TG: variants seen among roughly 807,000 people sequenced by gnomAD.
TG encodes the protein thyroid hormones.
Under a neutral mutation model 324.7 loss-of-function variants are expected in TG, and 270 were observed. The observed-to-expected ratio is 0.83, with a 90% CI of 0.75 to 0.92. The LOEUF (loss-of-function observed/expected upper bound fraction) is 0.92. TG is among the 40% of genes least tolerant of loss of function. TG has a pLI of 0.00. For synonymous variants in TG, 1,401 were observed against 1,327.0 expected, an observed-to-expected ratio of 1.06 and a Z score of -1.21; for missense variants, 3,591 against 3,456.4, an observed-to-expected ratio of 1.04 and a Z score of -0.98.
chr8:132,972,464 G>A (rs1564023248), intron 33 of TG, 134 bp from the exon 34 acceptor site: 2 of 1,030,800 alleles, frequency 1.9e-6, no homozygotes, highest in Non-Finnish European at 2.8e-6. Context: ...GGCTGAGATA[G>A]TATCTGAAAT....
intron 41 of TG, among the ~76,000 whole-genome samples, chr8:133,043,927 A>C (rs1838798325): frequency 6.6e-6 from 1 of 152,150 alleles, no homozygotes; most frequent in South Asian, 2.1e-4. Flanking sequence ...AGTGGGGAGG[A>C]TGGCAATGTT....
chr8:132,955,832 A>T (rs1206374878), intron 27 of TG, among the ~76,000 whole-genome samples: 2 of 152,312 alleles, frequency 1.3e-5, no homozygotes, highest in East Asian at 3.9e-4. Context: ...GCAGCGCATG[A>T]TCTCCTCAGA....
At position 133,022,091 on chromosome 8, in the gene TG, G is replaced by A. The variant is rs776297740; in HGVS notation, c.6977G>A (p.Gly2326Asp). 3 of 1,614,138 alleles carry A rather than the reference G, an allele frequency of 1.9e-6. No homozygotes were observed. Among genetic ancestry groups the A allele is most frequent in the Non-Finnish European group, 1.7e-6 (2 of 1,180,036 alleles). The change falls in exon 40 of 48, where the codon GGC becomes GAC. Residue 2326 changes from glycine to aspartate, a missense_variant. By Grantham distance (94) the Gly-to-Asp change is moderately conservative. Transcript: ENST00000220616. ...GACGGCTCCTTCTTGGCTGCTGTTG[G>A]CAACCTCATCGTGGTCACTGCCAGC... Reference protein sequence around the residue: ...AIDGSFLAAVGNLIVVTASYR... With the variant: ...AIDGSFLAAVDNLIVVTASYR...
chr8:133,122,561 A>C (rs771022804), intron 45 of TG, among the ~76,000 whole-genome samples: 8 of 152,142 alleles, frequency 5.3e-5, no homozygotes, highest in Non-Finnish European at 1.0e-4. Flanking sequence ...AAGTCCACTT[A>C]CTATCTGTGT....
chr8:132,882,374 T>A, intron 6 of TG, 95 bp from the exon 7 acceptor site: 2 of 1,418,578 alleles, frequency 1.4e-6, no homozygotes, highest in Non-Finnish European at 2.0e-6. Flanking sequence ...ATGATGCTGG[T>A]GAAGGCTGTC....
intron 45 of TG, among the ~76,000 whole-genome samples, chr8:133,129,805 A>T (rs559980486): frequency 7.9e-5 from 12 of 152,286 alleles, no homozygotes; most frequent in African/African-American, 2.6e-4. Context: ...CTGATTATTT[A>T]TCAGGTCATG....
At chr8:132,961,109 G>A (rs768909737) in intron 28 of TG, 36 bp downstream of exon 28, 2 of 1,602,304 alleles carry the variant, frequency 1.2e-6, no homozygotes, top group South Asian at 1.1e-5. Flanking sequence ...TTAGCAGGAC[G>A]CTGATTACAT....
Position 132,967,780 on chromosome 8 carries a change from T to G in TG, c.5687-14T>G. 6.2e-7 allele frequency: 1 copy of G among 1,613,388 alleles called. No individual in the cohort carries two copies. Among genetic ancestry groups the G allele is most frequent in the East Asian group, 2.2e-5 (1 of 44,848 alleles). On this transcript the variant is annotated splice_polypyrimidine_tract_variant and intron_variant, in intron 30 of 47. Transcript: ENST00000220616. ...CCCACAAAAACTAAAATCACACTAC[T>G]CTCTTGCCTGTAGGTTGTGTGCAGG...
chr8:133,094,723 G>C (rs369090681), intron 41 of TG: 6 of 410,008 alleles, frequency 1.5e-5, no homozygotes, highest in African/African-American at 8.2e-5. Context: ...CACAATCTCC[G>C]ATCCTCTTAA....
At chr8:133,054,610 C>T (rs760139565) in intron 41 of TG, among the ~76,000 whole-genome samples, 1 of 152,172 alleles carries the variant, frequency 6.6e-6, no homozygotes, top group Non-Finnish European at 1.5e-5. Context: ...AACTCAAGAC[C>T]AGTGTTAGCC....
chr8:132,962,755 G>A (rs117136371), intron 28 of TG, among the ~76,000 whole-genome samples: 1 of 152,190 alleles, frequency 6.6e-6, no homozygotes, highest in East Asian at 1.9e-4. Flanking sequence ...AACTCGAAAG[G>A]GCTTTGCGTA....
chr8:133,086,977 A>C lies in TG; in HGVS notation c.7240-8067A>C, dbSNP rs551067817. ...ATTGAAAACAATCTTGTAAATAAAT[A>C]AGTAATGATACAGAATGATATCGAC... is the stretch of plus-strand genomic sequence containing the variant. On this transcript the variant is annotated intron_variant, in intron 41 of 47. Transcript: ENST00000220616. 3.9e-5 allele frequency among the ~76,000 whole-genome samples: 6 copies of C among 152,278 alleles called. No homozygotes were observed. In the East Asian group the frequency reaches 9.6e-4, roughly 24 times the overall value.
At chr8:132,908,118 A>G in intron 17 of TG, 68 bp from the exon 18 acceptor site, 1 of 1,585,630 alleles carries the variant, frequency 6.3e-7, no homozygotes, top group Non-Finnish European at 8.6e-7. Context: ...TTTGCAGAGG[A>G]AATCCCAAAC....
intron 34 of TG, among the ~76,000 whole-genome samples, chr8:132,980,777 GT>G (rs1051318473): frequency 1.8e-4 from 28 of 152,128 alleles, no homozygotes; most frequent in African/African-American, 6.8e-4. Context: ...GAATTGGTTG[GT>G]GTGGGGGCAA....
chr8:133,033,926 G>A (rs944902886), intron 41 of TG, among the ~76,000 whole-genome samples: 13 of 152,130 alleles, frequency 8.5e-5, no homozygotes, highest in Admixed American at 5.9e-4. Context: ...AGTTTAATCC[G>A]CTTAGTGTTT....
chr8:132,992,424 T>G (rs918946074), intron 35 of TG, among the ~76,000 whole-genome samples: 4 of 152,228 alleles, frequency 2.6e-5, no homozygotes, highest in Non-Finnish European at 5.9e-5. Flanking sequence ...GCTATAGTAT[T>G]AGGTGCAAAA....
chr8:132,915,248 G>C (rs1445412004), intron 20 of TG, among the ~76,000 whole-genome samples: 1 of 152,140 alleles, frequency 6.6e-6, no homozygotes, highest in Non-Finnish European at 1.5e-5. Flanking sequence ...CAGAGAAGGA[G>C]GTAAAGGGAA....
intron 34 of TG, among the ~76,000 whole-genome samples, chr8:132,978,494 G>A (rs2130631512): frequency 6.6e-6 from 1 of 152,260 alleles, no homozygotes; most frequent in Non-Finnish European, 1.5e-5. Flanking sequence ...CACCCCTCTG[G>A]GAGGAGGGTG....
chr8:133,009,134 A>G (rs993884183), intron 35 of TG, among the ~76,000 whole-genome samples: 6 of 152,228 alleles, frequency 3.9e-5, no homozygotes, highest in African/African-American at 1.4e-4. Context: ...GCTTTCTCCC[A>G]GACATCAACC....
Sources: gnomAD v4.1 joint callset for allele counts (sites outside exome capture counted in the v4.1 genomes callset) on GRCh38, gnomAD v4.1.1 for gene constraint, MANE v1.5 for transcripts, NCBI Gene and HGNC (gene_info 2026-07-23, HGNC 2026-07-21) for gene names.